Variants in SIRPB2 observed in about 807,000 individuals in gnomAD.
SIRPB2 encodes the protein signal regulatory protein beta 2, also known as signal-regulatory protein beta-2.
Under a neutral mutation model 27.1 loss-of-function variants are expected in SIRPB2, and 18 were observed. That is an observed-to-expected ratio of 0.66 (90% confidence interval 0.46 to 0.98). The LOEUF (loss-of-function observed/expected upper bound fraction) is 0.98, where lower values mean the gene tolerates loss of function less well. Among genes scored for constraint, SIRPB2 ranks in the 50% least tolerant of loss-of-function variants. The pLI, the probability that SIRPB2 is intolerant of heterozygous loss-of-function variation, is 0.00. For synonymous variants in SIRPB2, 150 were observed against 164.6 expected (o/e 0.91, Z 0.68); for missense variants, 420 against 417.4 (o/e 1.01, Z -0.06).
intron 1 of SIRPB2, among the ~76,000 whole-genome samples, chr20:1,489,685 C>T (rs972995007): frequency 6.6e-6 from 1 of 152,172 alleles, no homozygotes; most frequent in Non-Finnish European, 1.5e-5. Context: ...CTCTGCCTTT[C>T]ATGGTTCCTG....
chr20:1,481,324 C>T (rs1471157515), intron 1 of SIRPB2, among the ~76,000 whole-genome samples: 1 of 152,048 alleles, frequency 6.6e-6, no homozygotes, highest in Non-Finnish European at 1.5e-5. Flanking sequence ...CCTATAATCT[C>T]CATTTTCGAG....
chr20:1,478,754 A>T (rs2090636653), intron 2 of SIRPB2, 147 bp from the exon 3 acceptor site: 2 of 648,896 alleles, frequency 3.1e-6, no homozygotes, highest in Non-Finnish European at 5.1e-6. Context: ...TCACCAGTTG[A>T]CTCATTCAGT....
chr20:1,482,727 C>A (rs1422891672), intron 1 of SIRPB2, among the ~76,000 whole-genome samples: 1 of 151,994 alleles, frequency 6.6e-6, no homozygotes, highest in Non-Finnish European at 1.5e-5. Context: ...TAATAATCTC[C>A]AGTTCCATCC....
intron 3 of SIRPB2, 42 bp downstream of exon 3, chr20:1,478,224 C>T (rs1330330882): frequency 6.3e-7 from 1 of 1,578,728 alleles, no homozygotes; most frequent in South Asian, 1.1e-5. Context: ...CTGTTGAATA[C>T]CTGCTCCGCT....
At position 1,491,376 on chromosome 20, in the gene SIRPB2, C is replaced by T. The variant is rs1306378145; in HGVS notation, c.-17G>A. On this transcript the variant is annotated 5_prime_UTR_variant, in exon 1 of 5. Coordinates refer to ENST00000359801, the MANE Select transcript of SIRPB2 (RefSeq NM_001122962.2). ...GGAGCACATGGCATCTTCTGTGGTC[C>T]CCAAGACTTGGGGCTCCTCTGCTCT... 1 of 1,600,752 alleles carries T rather than the reference C, an allele frequency of 6.2e-7. No individual in the cohort carries two copies. Among genetic ancestry groups the T allele is most frequent in the East Asian group, 2.3e-5 (1 of 44,054 alleles).
At chr20:1,473,268 A>C (rs1379851253), downstream of SIRPB2, 1 of 152,426 alleles carries the variant, frequency 6.6e-6, no homozygotes, top group African/African-American at 2.4e-5. Flanking sequence ...TGGCTACAAT[A>C]GTGGACCATT....
Position 1,474,873 on chromosome 20 carries a change from C to G in SIRPB2, c.*1294G>C, listed in dbSNP as rs536929583. ...ACATGCATAAGCCACCGTGCCTGGTCTTGAATTGGTTCTTACACAATGCAG... is the reference window on the plus strand; with the variant it reads ...ACATGCATAAGCCACCGTGCCTGGTGTTGAATTGGTTCTTACACAATGCAG... On this transcript the variant is annotated 3_prime_UTR_variant, in exon 5 of 5. Transcript: ENST00000359801. The G allele has an allele frequency of 1.3e-5, 2 of 152,400 alleles. No individual in the cohort carries two copies. Among genetic ancestry groups the G allele is most frequent in the African/African-American group, 4.8e-5 (2 of 41,560 alleles). 9.4% of individuals were successfully genotyped at this position (152,400 alleles called of 1,614,324 possible).
chr20:1,488,301 T>C (rs577308776), intron 1 of SIRPB2, among the ~76,000 whole-genome samples: 1 of 152,242 alleles, frequency 6.6e-6, no homozygotes, highest in Admixed American at 6.5e-5. Context: ...AAAGGATGCA[T>C]GATGTAAAAA....
chr20:1,482,496 CTCCT>C (rs773814993), intron 1 of SIRPB2, among the ~76,000 whole-genome samples: 18 of 149,668 alleles, frequency 1.2e-4, no homozygotes, highest in South Asian at 8.4e-4. Context: ...GTCTGGCTCA[CTCCT>C]TCCTTCCTTC....
downstream of SIRPB2, among the ~76,000 whole-genome samples, chr20:1,471,630 C>G (rs2090581393): frequency 1.3e-5 from 2 of 152,192 alleles, no homozygotes; most frequent in Admixed American, 1.3e-4. Flanking sequence ...TGTAGCTGCT[C>G]TCTGGGCGGT....
In SIRPB2 at chr20:1,478,557, C is replaced by T. The variant is rs375818782; in HGVS notation, c.502G>A (p.Val168Met). 9.8e-5 allele frequency: 158 copies of T among 1,608,708 alleles called. No individual in the cohort carries two copies. In the Middle Eastern group the frequency reaches 9.9e-4, roughly 10 times the overall value. Residue 168 changes from valine to methionine, a missense_variant, in exon 3 of 5, where the codon GTG (valine) becomes ATG (methionine). Transcript: ENST00000359801. ...DLWIIQPQEL[V>M]LGTTGDTVFL... Reference sequence around the variant, plus strand: ...ACAGTGTCTCCAGTGGTCCCCAACACCAATTCCTGGGGCTGGATGATCCAC... The same window carrying T: ...ACAGTGTCTCCAGTGGTCCCCAACATCAATTCCTGGGGCTGGATGATCCAC...
intron 4 of SIRPB2, chr20:1,476,812 C>G (rs534115354): frequency 7.0e-5 from 74 of 1,057,568 alleles, no homozygotes; most frequent in Non-Finnish European, 8.2e-5. Context: ...TACTGAGAGT[C>G]CTTGAATGTT....
intron 1 of SIRPB2, among the ~76,000 whole-genome samples, chr20:1,490,663 A>G (rs1479314182): frequency 6.6e-6 from 1 of 152,156 alleles, no homozygotes; most frequent in African/African-American, 2.4e-5. Context: ...TCCATTTTAC[A>G]GTTGGAAAAA....
chr20:1,491,157 C>G, intron 1 of SIRPB2, 118 bp downstream of exon 1: 1 of 883,524 alleles, frequency 1.1e-6, no homozygotes, highest in Admixed American at 3.4e-5. Context: ...TTTCAGTGGA[C>G]CCCTCTTTAC....
intron 1 of SIRPB2, among the ~76,000 whole-genome samples, chr20:1,485,736 C>T (rs907360002): frequency 6.6e-6 from 1 of 151,650 alleles, no homozygotes; most frequent in Non-Finnish European, 1.5e-5. Context: ...AATCTCTAGT[C>T]AGATTGAACA....
In SIRPB2 at chr20:1,491,417, G is replaced by T; in HGVS notation, c.-58C>A. On this transcript the variant is annotated 5_prime_UTR_variant, in exon 1 of 5. Transcript: ENST00000359801. ...CCTCTGCTCTCTTGTGAGTGTTGGA[G>T]TCTGAGGCGGGGCCCGTGGACAAGG... The T allele has an allele frequency of 6.6e-7, 1 of 1,509,656 alleles. No individual in the cohort carries two copies. Among genetic ancestry groups the T allele is most frequent in the South Asian group, 1.2e-5 (1 of 81,976 alleles). The allele number at this position is 1,509,656 out of a possible 1,614,324, so 93.5% of individuals were successfully genotyped here.
At chr20:1,484,692 T>TAAA (rs146412483) in intron 1 of SIRPB2, among the ~76,000 whole-genome samples, 2 of 132,752 alleles carry the variant, frequency 1.5e-5, no homozygotes, top group African/African-American at 5.6e-5. Context: ...AAGGCAACAA[T>TAAA]AAAAAAAAAA....
At position 1,488,570 on chromosome 20, in the gene SIRPB2, C is replaced by T. The variant is rs2090749004; in HGVS notation, c.85+2705G>A. 2.6e-5 allele frequency among the ~76,000 whole-genome samples: 4 copies of T among 151,948 alleles called. 1 individual carries two copies. The highest frequency in any genetic ancestry group is 4.2e-4 in the South Asian group (2 of 4,816). On this transcript the variant is annotated intron_variant, in intron 1 of 4. Coordinates refer to ENST00000359801, the MANE Select transcript of SIRPB2 (RefSeq NM_001122962.2). ...GGCTAAGGTGGGAGGATCGCTTGAGCCAGGGAGATGGAGGTTGCAGTGAGC... is the reference window on the plus strand; with the variant it reads ...GGCTAAGGTGGGAGGATCGCTTGAGTCAGGGAGATGGAGGTTGCAGTGAGC...
chr20:1,479,540 G>C (rs2090644818), intron 2 of SIRPB2, 160 bp downstream of exon 2: 1 of 1,177,372 alleles, frequency 8.5e-7, no homozygotes, highest in Non-Finnish European at 1.2e-6. Context: ...ATGAGGAGTG[G>C]AACCACCCAG....
Sources: allele counts gnomAD v4.1 joint callset (sites outside exome capture counted in the v4.1 genomes callset), GRCh38; gene constraint gnomAD v4.1.1; transcripts MANE v1.5; gene names NCBI Gene and HGNC (gene_info 2026-07-23, HGNC 2026-07-21).